MAPK10: variants seen among roughly 807,000 people sequenced by gnomAD.
MAPK10 encodes the protein JNK3 alpha protein kinase.
A neutral mutation model predicts 59.3 loss-of-function variants in MAPK10; 25 were observed. The observed-to-expected ratio is 0.42, with a 90% CI of 0.31 to 0.59. The LOEUF (loss-of-function observed/expected upper bound fraction) is 0.59, where lower values mean the gene tolerates loss of function less well. Among genes scored for constraint, MAPK10 ranks in the 20% least tolerant of loss-of-function variants. MAPK10 has a pLI of 0.15. For synonymous variants in MAPK10, 190 were observed against 200.5 expected (o/e 0.95, Z 0.44); for missense variants, 351 against 568.9 (o/e 0.62, Z 3.90).
chr4:86,591,845 C>G (rs1376621430), intron 1 of MAPK10, among the ~76,000 whole-genome samples: 1 of 152,022 alleles, frequency 6.6e-6, no homozygotes, highest in Non-Finnish European at 1.5e-5. Flanking sequence ...CATTGGCTAT[C>G]GTTTCTATTG....
At chr4:86,068,855 C>T (rs1412528048) in intron 9 of MAPK10, among the ~76,000 whole-genome samples, 3 of 152,078 alleles carry the variant, frequency 2.0e-5, no homozygotes, top group Non-Finnish European at 2.9e-5. Flanking sequence ...TAATGATAAA[C>T]ACCATCTACT....
chr4:86,453,849 C>T (rs1315805594), upstream of MAPK10, among the ~76,000 whole-genome samples: 1 of 152,126 alleles, frequency 6.6e-6, no homozygotes, highest in Non-Finnish European at 1.5e-5. Flanking sequence ...TAAGGACCCT[C>T]ACAGAGTCCT....
intron 2 of MAPK10, among the ~76,000 whole-genome samples, chr4:86,225,894 A>C (rs2090528205): frequency 6.6e-6 from 1 of 152,208 alleles, no homozygotes. Flanking sequence ...CCTAATAGAT[A>C]TGTAGATTTA....
intron 2 of MAPK10, among the ~76,000 whole-genome samples, chr4:86,279,725 G>A (rs1563926305): frequency 6.6e-6 from 1 of 152,074 alleles, no homozygotes; most frequent in African/African-American, 2.4e-5. Flanking sequence ...TTGGAATTTC[G>A]ATTCCTGAAA....
At chr4:86,561,107 T>C (rs533775696) in intron 1 of MAPK10, among the ~76,000 whole-genome samples, 1 of 152,144 alleles carries the variant, frequency 6.6e-6, no homozygotes, top group South Asian at 2.1e-4. Flanking sequence ...TCCTAAGGAG[T>C]GTACAACCTA....
chr4:86,044,393 T>A (rs1326475526), intron 11 of MAPK10: 2 of 197,538 alleles, frequency 1.0e-5, no homozygotes, highest in African/African-American at 2.3e-5. Context: ...GTCAGGATAT[T>A]TTTAAACTTC....
intron 4 of MAPK10, among the ~76,000 whole-genome samples, chr4:86,149,599 T>A (rs1027286091): frequency 1.3e-5 from 2 of 152,186 alleles, no homozygotes; most frequent in African/African-American, 4.8e-5. Flanking sequence ...ATTCTGAACA[T>A]TGAACTAGAA....
chr4:86,590,159 T>C (rs958621942), intron 1 of MAPK10, among the ~76,000 whole-genome samples: 2 of 151,978 alleles, frequency 1.3e-5, no homozygotes, highest in African/African-American at 4.8e-5. Flanking sequence ...TATTATGAAG[T>C]TAAAAAATCA....
At chr4:86,430,290 G>T (rs114023649) in intron 1 of MAPK10, among the ~76,000 whole-genome samples, 43 of 152,316 alleles carry the variant, frequency 2.8e-4, no homozygotes, top group Middle Eastern at 6.8e-3. Context: ...GTTATTAAAT[G>T]TATCAATGGT....
chr4:86,159,166 T>C, intron 4 of MAPK10, 132 bp downstream of exon 4: 1 of 605,862 alleles, frequency 1.7e-6, no homozygotes, highest in African/African-American at 1.9e-5. Flanking sequence ...TATTTTTTTT[T>C]CTTCAGTAGG....
At chr4:86,203,092 G>A (rs573101098) in intron 2 of MAPK10, among the ~76,000 whole-genome samples, 2 of 151,918 alleles carry the variant, frequency 1.3e-5, no homozygotes, top group African/African-American at 4.8e-5. Flanking sequence ...TATAGGACCT[G>A]TAAGTAGCTT....
intron 2 of MAPK10, among the ~76,000 whole-genome samples, chr4:86,232,771 G>A (rs549512440): frequency 1.3e-5 from 2 of 152,294 alleles, no homozygotes; most frequent in African/African-American, 4.8e-5. Flanking sequence ...CTTTAAGAAT[G>A]TCTCTCAGGG....
intron 1 of MAPK10, among the ~76,000 whole-genome samples, chr4:86,537,951 A>G (rs1758372392): frequency 6.6e-6 from 1 of 152,054 alleles, no homozygotes; most frequent in Non-Finnish European, 1.5e-5. Context: ...CCAAAGTTTT[A>G]TCTTTCACAG....
At chr4:86,070,158 C>T (rs1158045565) in intron 9 of MAPK10, among the ~76,000 whole-genome samples, 1 of 152,146 alleles carries the variant, frequency 6.6e-6, no homozygotes, top group Non-Finnish European at 1.5e-5. Flanking sequence ...AATGTTCATA[C>T]TGCAAATCTG....
chr4:86,109,502 T>G (rs897249134), intron 4 of MAPK10, among the ~76,000 whole-genome samples: 3 of 152,174 alleles, frequency 2.0e-5, no homozygotes, highest in African/African-American at 7.2e-5. Context: ...TTTCTGTTCC[T>G]GCATTAGTTT....
At chr4:86,070,175 A>C (rs1165397495) in intron 9 of MAPK10, among the ~76,000 whole-genome samples, 1 of 152,152 alleles carries the variant, frequency 6.6e-6, no homozygotes. Context: ...TCTGAGTTAC[A>C]GTGATCTTTA....
At chr4:86,568,575 T>C (rs1761224808) in intron 1 of MAPK10, among the ~76,000 whole-genome samples, 1 of 152,058 alleles carries the variant, frequency 6.6e-6, no homozygotes, top group Admixed American at 6.6e-5. Flanking sequence ...TGAAACAGTG[T>C]GGTACTAGTA....
At chr4:86,244,099 G>A (rs1474418881) in intron 2 of MAPK10, among the ~76,000 whole-genome samples, 1 of 152,202 alleles carries the variant, frequency 6.6e-6, no homozygotes, top group African/African-American at 2.4e-5. Flanking sequence ...AGTCACATAA[G>A]TAGAGGCTGA....
chr4:86,521,314 G>C (rs1331802651), intron 1 of MAPK10, among the ~76,000 whole-genome samples: 1 of 152,164 alleles, frequency 6.6e-6, no homozygotes, highest in Admixed American at 6.5e-5. Flanking sequence ...GCCAGAATGA[G>C]TACTTGGGTT....
Sources: gnomAD v4.1 joint callset for allele counts (sites outside exome capture counted in the v4.1 genomes callset) on GRCh38, gnomAD v4.1.1 for gene constraint, MANE v1.5 for transcripts, NCBI Gene and HGNC (gene_info 2026-07-23, HGNC 2026-07-21) for gene names.